Variants in RNF4 observed in about 807,000 individuals in gnomAD.
RNF4 encodes ring finger protein 4.
RNF4 carries 7 observed loss-of-function variants against 24.3 expected under a neutral mutation model. That is an observed-to-expected ratio of 0.29 (90% CI 0.16 to 0.54). RNF4 has a LOEUF of 0.54. Among genes scored for constraint, RNF4 ranks in the 20% least tolerant of loss-of-function variants. The pLI is 0.95. For missense variants in RNF4, 209 were observed against 248.5 expected (o/e 0.84, Z 1.07); for synonymous variants, 83 against 84.3 (o/e 0.98, Z 0.09).
chr4:2,476,814 T>C (rs1735092160), intron 1 of RNF4, among the ~76,000 whole-genome samples: 1 of 146,588 alleles, frequency 6.8e-6, no homozygotes, highest in Admixed American at 6.8e-5. Flanking sequence ...GCCTAAAACT[T>C]TTTTTTTTTT....
intron 4 of RNF4, among the ~76,000 whole-genome samples, chr4:2,508,596 TTTG>T (rs1736171633): frequency 6.6e-6 from 1 of 152,084 alleles, no homozygotes; most frequent in Admixed American, 6.6e-5. Context: ...TTTGTTTTGT[TTTG>T]TTTTTTGTTT....
intron 3 of RNF4, among the ~76,000 whole-genome samples, chr4:2,498,988 G>A (rs749094344): frequency 1.3e-5 from 2 of 152,194 alleles, no homozygotes; most frequent in Non-Finnish European, 2.9e-5. Context: ...CCTGAGGTCA[G>A]GAGTTCAAGA....
intron 3 of RNF4, 151 bp from the exon 4 acceptor site, chr4:2,500,508 G>T: frequency 2.9e-6 from 2 of 695,642 alleles, no homozygotes; most frequent in South Asian, 3.5e-5. Context: ...CCTGAGGGAG[G>T]TGTTGGTCCT....
intron 4 of RNF4, among the ~76,000 whole-genome samples, chr4:2,503,298 T>A (rs763431472): frequency 6.6e-6 from 1 of 152,188 alleles, no homozygotes; most frequent in Admixed American, 6.5e-5. Context: ...CCAATTAACC[T>A]GGGGCTGTCT....
chr4:2,477,223 G>A (rs1735104531), intron 1 of RNF4, among the ~76,000 whole-genome samples: 1 of 152,170 alleles, frequency 6.6e-6, no homozygotes, highest in South Asian at 2.1e-4. Flanking sequence ...GGACCCAGTG[G>A]GAGGCAATTG....
intron 4 of RNF4, among the ~76,000 whole-genome samples, chr4:2,502,318 G>C (rs1311047446): frequency 6.6e-6 from 1 of 152,196 alleles, no homozygotes; most frequent in Non-Finnish European, 1.5e-5. Flanking sequence ...GGAAGACAAT[G>C]ATTGATTGGC....
At chr4:2,480,591 A>G (rs998413001) in intron 1 of RNF4, 3 of 152,158 alleles carry the variant, frequency 2.0e-5, no homozygotes, top group African/African-American at 7.2e-5. Flanking sequence ...AGGAAAAAAA[A>G]AAAATCTCAT....
In RNF4 at chr4:2,512,631, G is replaced by A; in HGVS notation, c.374+34G>A. ...GTGCCCCCAGCTCTGCTGCCGCCAT[G>A]CTAGGATGTGGGGCCAGGGCATGGG... is the stretch of plus-strand genomic sequence containing the variant. On this transcript the variant is annotated intron_variant, in intron 6 of 7. Transcript: ENST00000314289. The surrounding 1 kb of genome is among the most constrained non-coding windows in gnomAD (Gnocchi z 4.1). 2 of 1,609,912 alleles carry A rather than the reference G, an allele frequency of 1.2e-6. No individual in the cohort carries two copies. The highest frequency in any genetic ancestry group is 1.7e-6 in the Non-Finnish European group (2 of 1,177,614).
At chr4:2,491,335 C>T (rs964209627) in intron 2 of RNF4, among the ~76,000 whole-genome samples, 1 of 152,126 alleles carries the variant, frequency 6.6e-6, no homozygotes, top group African/African-American at 2.4e-5. Flanking sequence ...GTTCTGGGTT[C>T]AAGTGATTCT....
intron 1 of RNF4, among the ~76,000 whole-genome samples, chr4:2,473,658 A>T (rs1734979230): frequency 6.6e-6 from 1 of 152,128 alleles, no homozygotes; most frequent in Non-Finnish European, 1.5e-5. Context: ...AAAAATACAA[A>T]AAATTAGCAG....
At chr4:2,503,516 TCC>T (rs1735978630) in intron 4 of RNF4, among the ~76,000 whole-genome samples, 1 of 152,310 alleles carries the variant, frequency 6.6e-6, no homozygotes, top group African/African-American at 2.4e-5. Flanking sequence ...TCTCACACTG[TCC>T]TCAGTGTTGT....
At chr4:2,497,810 A>G (rs953737661) in intron 3 of RNF4, among the ~76,000 whole-genome samples, 3 of 151,612 alleles carry the variant, frequency 2.0e-5, no homozygotes, top group Admixed American at 6.6e-5. Flanking sequence ...AATTTTTTGT[A>G]TTTTTAATAG....
intron 2 of RNF4, chr4:2,490,731 A>G (rs1362656395): frequency 2.9e-5 from 14 of 479,746 alleles, no homozygotes; most frequent in Middle Eastern, 5.0e-4. Flanking sequence ...CTGAGAAGGA[A>G]TAGCTTAGGG....
chr4:2,497,278 A>G, intron 3 of RNF4, 157 bp downstream of exon 3: 1 of 553,628 alleles, frequency 1.8e-6, no homozygotes, highest in East Asian at 3.1e-5. Context: ...ATTCTGAAAT[A>G]GCTTCTCAAC....
At position 2,515,325 on chromosome 4, in the gene RNF4, T is replaced by C. The variant is rs1467583072; in HGVS notation, c.*1506T>C. The C allele has an allele frequency of 9.2e-5, 14 of 152,778 alleles. No individual in the cohort carries two copies. Among genetic ancestry groups the C allele is most frequent in the Admixed American group, 2.0e-4 (3 of 15,298 alleles). The allele number at this position is 152,778 out of a possible 1,614,324, so 9.5% of individuals were successfully genotyped here. A position where few individuals can be genotyped will look rare whatever the true frequency, so the allele number is the denominator to read the frequency against. ...GAAAAGAAAATTGTTTTATTCTTCA[T>C]TCTGACTTTTTAACTGTTTGGCTCA... On this transcript the variant is annotated 3_prime_UTR_variant, in exon 8 of 8. Coordinates refer to ENST00000314289, the MANE Select transcript of RNF4 (RefSeq NM_002938.5).
Position 2,500,700 on chromosome 4 carries a change from C to T in RNF4, c.166C>T (p.Pro56Ser), listed in dbSNP as rs370247859. 52 of 1,613,736 alleles carry T rather than the reference C, an allele frequency of 3.2e-5. No homozygotes were observed. Among genetic ancestry groups the T allele is most frequent in the Non-Finnish European group, 3.6e-5 (43 of 1,179,842 alleles). ...IVDLTCESLE[P>S]VVVDLTHNDS... is the part of the protein sequence containing the mutation. Reference sequence around the variant, plus strand: ...GGACCTCACTTGTGAATCTTTAGAGCCTGTGGTGGTTGATCTGACTCACAA... The same window carrying T: ...GGACCTCACTTGTGAATCTTTAGAGTCTGTGGTGGTTGATCTGACTCACAA... The change falls in exon 4 of 8, where the codon CCT becomes TCT. Residue 56 changes from proline to serine, a missense_variant. Physicochemically the swap from Pro to Ser is moderately conservative, Grantham distance 74. Around this residue, in one of 3 missense-constraint regions of RNF4, gnomAD observed 182 missense variants for 197.2 expected, o/e 0.92. Coordinates refer to ENST00000314289, the MANE Select transcript of RNF4 (RefSeq NM_002938.5).
intron 4 of RNF4, among the ~76,000 whole-genome samples, chr4:2,509,897 C>A (rs1430060897): frequency 6.6e-6 from 1 of 152,174 alleles, no homozygotes; most frequent in Non-Finnish European, 1.5e-5. Context: ...TTTCTAGCCA[C>A]AGAAGAATTT....
chr4:2,473,350 C>G (rs1278561251), intron 1 of RNF4, among the ~76,000 whole-genome samples: 1 of 152,016 alleles, frequency 6.6e-6, no homozygotes, highest in Admixed American at 6.6e-5. Context: ...TGCCTCTGCA[C>G]TACAGCCTGG....
At position 2,514,174 on chromosome 4, in the gene RNF4, C is replaced by A; in HGVS notation, c.*355C>A. On this transcript the variant is annotated 3_prime_UTR_variant, in exon 8 of 8. Coordinates refer to ENST00000314289, the MANE Select transcript of RNF4 (RefSeq NM_002938.5). Reference sequence around the variant, plus strand: ...TTTGCCCCAGCTTTCCCGGGCACACCACCTTTTGTCCCAAGTGTCTGCCGG... The same window carrying A: ...TTTGCCCCAGCTTTCCCGGGCACACAACCTTTTGTCCCAAGTGTCTGCCGG... The A allele has an allele frequency of 3.8e-6, 1 of 261,218 alleles. No individual in the cohort carries two copies. The highest frequency in any genetic ancestry group is 7.5e-6 in the Non-Finnish European group (1 of 132,578). 16.2% of individuals were successfully genotyped at this position (261,218 alleles called of 1,614,324 possible). A position where few individuals can be genotyped will look rare whatever the true frequency, so the allele number is the denominator to read the frequency against.
Sources: allele counts gnomAD v4.1 joint callset (sites outside exome capture counted in the v4.1 genomes callset), GRCh38; gene constraint gnomAD v4.1.1; regional missense constraint gnomAD v4.1.1; non-coding constraint Gnocchi (gnomAD v3.1); transcripts MANE v1.5; gene names NCBI Gene and HGNC (gene_info 2026-07-23, HGNC 2026-07-21).